The following FRMPD4 variants were observed in gnomAD, a reference collection of about 807,000 sequenced individuals.
The protein encoded by FRMPD4 is FERM and PDZ domain containing 4, also known as FERM and PDZ domain-containing protein 4.
FRMPD4 carries 22 observed loss-of-function variants against 94.1 expected under a neutral mutation model. The observed-to-expected ratio is 0.23, with a 90% CI of 0.17 to 0.33. The LOEUF (loss-of-function observed/expected upper bound fraction) is 0.33. FRMPD4 is among the 10% of genes least tolerant of loss of function. The pLI, the probability that FRMPD4 is intolerant of heterozygous loss-of-function variation, is 1.00. For missense variants in FRMPD4, 1,111 were observed against 1,339.9 expected (o/e 0.83, Z 2.67); for synonymous variants, 631 against 548.6 (o/e 1.15, Z -2.10).
chrX:12,523,753 G>A (rs746694065), intron 2 of FRMPD4, among the ~76,000 whole-genome samples: 70 of 110,903 alleles, frequency 6.3e-4, no homozygotes, highest in African/African-American at 2.2e-3. Context: ...TCATGAAACC[G>A]GGCAGCCTCC....
chrX:12,311,796 A>G (rs1224239147), intron 1 of FRMPD4, among the ~76,000 whole-genome samples: 2 of 111,616 alleles, frequency 1.8e-5, no homozygotes, highest in Admixed American at 9.5e-5. Context: ...TTTCAAGATA[A>G]TATCTTTTTT....
chrX:11,873,657 CCTAA>C (rs1031338683), intron 2 of FRMPD4, among the ~76,000 whole-genome samples: 1 of 108,107 alleles, frequency 9.3e-6, no homozygotes, highest in Admixed American at 9.9e-5. Flanking sequence ...GTCAGTTGTC[CCTAA>C]CTGATCTATA....
At chrX:12,137,572 G>A (rs934122076), upstream of FRMPD4, among the ~76,000 whole-genome samples, 1 of 111,677 alleles carries the variant, frequency 9.0e-6, no homozygotes, top group Non-Finnish European at 1.9e-5. Flanking sequence ...AGTCTGGGGG[G>A]AAATTTTAAA....
intron 1 of FRMPD4, among the ~76,000 whole-genome samples, chrX:11,822,967 G>A (rs766810558): frequency 9.2e-4 from 103 of 111,658 alleles, no homozygotes; most frequent in Admixed American, 3.0e-3. Context: ...TAGGAAAGTT[G>A]AAAAGGAGAC....
intron 3 of FRMPD4, among the ~76,000 whole-genome samples, chrX:11,905,103 GC>G (rs2053960275): frequency 8.9e-6 from 1 of 112,011 alleles, no homozygotes; most frequent in African/African-American, 3.3e-5. Flanking sequence ...CCTTTTTCCA[GC>G]CCCTCTTGCA....
intron 3 of FRMPD4, among the ~76,000 whole-genome samples, chrX:12,100,408 C>G (rs992824532): frequency 1.8e-5 from 2 of 111,368 alleles, no homozygotes. Context: ...TTAACTTCCT[C>G]AGTGTCACAC....
rs1027452946 is a variant in FRMPD4, at chrX:12,138,864, C to T, written c.-108C>T. On this transcript the variant is annotated 5_prime_UTR_variant, in exon 1 of 17. Coordinates refer to ENST00000675598, the MANE Select transcript of FRMPD4 (RefSeq NM_001368397.1). The stretch of plus-strand genomic sequence containing the variant: ...GCCGCCACCCGCTGTCGCCGCGACT[C>T]GAGCCCCGGGCGCACTGAGGTCTTG... 8 of 621,593 alleles carry T rather than the reference C, an allele frequency of 1.3e-5. No individual in the cohort carries two copies. The African/African-American group carries it at 1.6e-4, about 13-fold the overall frequency. 51.2% of individuals were successfully genotyped at this position (621,593 alleles called of 1,213,427 possible).
chrX:11,964,628 A>G (rs2054301054), intron 3 of FRMPD4, among the ~76,000 whole-genome samples: 1 of 112,224 alleles, frequency 8.9e-6, no homozygotes, highest in South Asian at 3.7e-4. Flanking sequence ...GTCTCAGAGT[A>G]CTAATATGAA....
chrX:12,716,017 C>A, intron 14 of FRMPD4, 52 bp from the exon 15 acceptor site: 4 of 424,965 alleles, frequency 9.4e-6, no homozygotes, highest in South Asian at 9.2e-5. Context: ...CCCCGCCCCA[C>A]CCAAAACCAG....
At chrX:12,294,485 C>CACACACACACACACACAGAGAGAG (rs34874624) in intron 1 of FRMPD4, among the ~76,000 whole-genome samples, 1 of 92,078 alleles carries the variant, frequency 1.1e-5, no homozygotes, top group Admixed American at 1.2e-4. Context: ...CACACACACA[C>CACACACACACACACACAGAGAGAG]AGAGAGAGAG....
intron 1 of FRMPD4, among the ~76,000 whole-genome samples, chrX:12,473,760 G>A (rs1377299176): frequency 9.1e-6 from 1 of 110,441 alleles, no homozygotes; most frequent in South Asian, 3.7e-4. Flanking sequence ...AACAAGAAGA[G>A]CTAACTATCC....
chrX:12,411,177 C>G (rs1409041220), intron 1 of FRMPD4, among the ~76,000 whole-genome samples: 1 of 111,751 alleles, frequency 8.9e-6, no homozygotes, highest in Admixed American at 9.5e-5. Context: ...CCAACACCCA[C>G]TCTTCAAGTT....
At position 12,583,353 on chromosome X, in the gene FRMPD4, G is replaced by A. The variant is rs999571199; in HGVS notation, c.159-26368G>A. On this transcript the variant is annotated intron_variant, in intron 2 of 16. Coordinates refer to ENST00000675598, the MANE Select transcript of FRMPD4 (RefSeq NM_001368397.1). ...TTTGTCTTTTGGGGGAAAGGGATGA[G>A]AGCCCCAGGCCGGCTGAGACGGCCG... 4.3e-5 allele frequency: 29 copies of A among 667,891 alleles called. No individual in the cohort carries two copies. In the African/African-American group the frequency reaches 5.9e-4, roughly 14 times the overall value. The allele number at this position is 667,891 out of a possible 1,213,427, so 55.0% of individuals were successfully genotyped here.
chrX:12,117,403 A>T (rs2055418531), intron 3 of FRMPD4, among the ~76,000 whole-genome samples: 1 of 110,747 alleles, frequency 9.0e-6, no homozygotes, highest in Non-Finnish European at 1.9e-5. Flanking sequence ...TTTATTTATA[A>T]TGTTGCCCGT....
chrX:12,238,826 T>G (rs2057099837), intron 1 of FRMPD4, among the ~76,000 whole-genome samples: 2 of 112,468 alleles, frequency 1.8e-5, no homozygotes, highest in Admixed American at 1.9e-4. Context: ...AGTTCTACTT[T>G]CCTTAAATAC....
intron 1 of FRMPD4, among the ~76,000 whole-genome samples, chrX:12,167,560 A>G (rs941987825): frequency 9.1e-6 from 1 of 109,962 alleles, no homozygotes; most frequent in African/African-American, 3.3e-5. Context: ...GATCTGGAAA[A>G]CCTCTCAAGG....
chrX:12,096,537 G>C (rs1478657788), intron 3 of FRMPD4, among the ~76,000 whole-genome samples: 1 of 111,799 alleles, frequency 8.9e-6, no homozygotes, highest in East Asian at 2.8e-4. Context: ...GTTGATAACA[G>C]CATAGTCCTG....
chrX:12,156,536 A>G (rs910450877), intron 1 of FRMPD4, among the ~76,000 whole-genome samples: 2 of 111,857 alleles, frequency 1.8e-5, no homozygotes, highest in African/African-American at 6.5e-5. Flanking sequence ...GAACAGCTCA[A>G]AATGCTGAAG....
intron 1 of FRMPD4, among the ~76,000 whole-genome samples, chrX:12,302,533 G>C (rs145463557): frequency 0.022 from 2,449 of 111,170 alleles, 30 homozygotes; most frequent in Non-Finnish European, 0.033. Context: ...AGATGTGCAA[G>C]GCTAGTCCTG....
Sources: gnomAD v4.1 joint callset for allele counts (sites outside exome capture counted in the v4.1 genomes callset) on GRCh38, gnomAD v4.1.1 for gene constraint, MANE v1.5 for transcripts, NCBI Gene and HGNC (gene_info 2026-07-23, HGNC 2026-07-21) for gene names.